Variants in GPER1 observed in about 807,000 individuals in gnomAD.
The protein encoded by GPER1 is G protein-coupled receptor 30.
A neutral mutation model predicts 0.6 loss-of-function variants in GPER1; 2 were observed. The ratio of observed to expected loss-of-function variants is 3.41; its 90% CI spans 1.39 to 10.72. The LOEUF is 10.72. Ranked by LOEUF, GPER1 falls within the 30% of genes most tolerant of loss-of-function variation. The probability of loss-of-function intolerance (pLI) is 0.04; values close to 1 mark genes in which losing one functional copy is unlikely to be tolerated. For missense variants in GPER1, 441 were observed against 535.2 expected (o/e 0.82, Z 1.74); for synonymous variants, 263 against 247.6 (o/e 1.06, Z -0.58).
chr7:1,088,537 C>T lies in GPER1; in HGVS notation c.-323+216C>T, dbSNP rs1035388093. On this transcript the variant is annotated intron_variant, in intron 1 of 1. Coordinates refer to ENST00000397088, the MANE Select transcript of GPER1 (RefSeq NM_001098201.3). The surrounding 1 kb of genome is among the most constrained non-coding windows in gnomAD (Gnocchi z 4.5). ...CAGCGTGACCGCAGCAGGGGCTTTGCCTGGACGGCCTTTCTAACTCGTGCT... is the reference window on the plus strand; with the variant it reads ...CAGCGTGACCGCAGCAGGGGCTTTGTCTGGACGGCCTTTCTAACTCGTGCT... 1.1e-4 allele frequency among the ~76,000 whole-genome samples: 17 copies of T among 152,194 alleles called. No homozygotes were observed. Among genetic ancestry groups the T allele is most frequent in the Non-Finnish European group, 2.4e-4 (16 of 68,022 alleles).
chr7:1,089,526 C>T (rs977708828), intron 1 of GPER1, among the ~76,000 whole-genome samples: 1 of 152,102 alleles, frequency 6.6e-6, no homozygotes, highest in South Asian at 2.1e-4. Flanking sequence ...TCAGGCGATC[C>T]TCCTGCCTCA....
chr7:1,092,152 T>C lies in GPER1; in HGVS notation c.424T>C (p.Tyr142His). 1.2e-6 allele frequency: 2 copies of C among 1,613,534 alleles called. No individual in the cohort carries two copies. Among genetic ancestry groups the C allele is most frequent in the Non-Finnish European group, 1.7e-6 (2 of 1,179,980 alleles). ...GTCGCTCTTCCTGCAGGTCAACATG[T>C]ACAGCAGCGTCTTCTTCCTCACCTG... ...FMSLFLQVNM[Y>H]SSVFFLTWMS... The change falls in exon 2 of 2, where the codon TAC becomes CAC. Residue 142 changes from tyrosine (Y) to histidine (H), a missense_variant. By Grantham distance (83) the Tyr-to-His change is moderately conservative (BLOSUM62 2). Coordinates refer to ENST00000397088, the MANE Select transcript of GPER1 (RefSeq NM_001098201.3).
Position 1,092,360 on chromosome 7 carries a change from T to C in GPER1, c.632T>C (p.Val211Ala), listed in dbSNP as rs1379990672. 1.9e-6 allele frequency: 3 copies of C among 1,611,298 alleles called. No homozygotes were observed. Among genetic ancestry groups the C allele is most frequent in the East Asian group, 2.2e-5 (1 of 44,818 alleles). The change falls in exon 2 of 2, where the codon GTC becomes GCC. Residue 211 changes from valine to alanine, a missense_variant. Physicochemically the swap from Val to Ala is moderately conservative, Grantham distance 64. Transcript: ENST00000397088. ...GAGGCCTGCTTCTGTTTCGCGGATG[T>C]CCGGGAGGTGCAGTGGCTCGAGGTC... ...TDEACFCFADVREVQWLEVTL... is the reference protein window; with the variant it reads ...TDEACFCFADAREVQWLEVTL...
chr7:1,091,191 G>A (rs183474863), intron 1 of GPER1, among the ~76,000 whole-genome samples: 1 of 152,312 alleles, frequency 6.6e-6, no homozygotes, highest in Admixed American at 6.5e-5. Flanking sequence ...AGCAGCCGTG[G>A]GACCTGCAGG....
Position 1,093,265 on chromosome 7 carries a change from A to G in GPER1, c.*409A>G. On this transcript the variant is annotated 3_prime_UTR_variant, in exon 2 of 2. Coordinates refer to ENST00000397088, the MANE Select transcript of GPER1 (RefSeq NM_001098201.3). ...CGCCTCAGTTACACAGGAACCCTAA[A>G]GCAAATCTGCCACCGTGGGGGAACT... 1 of 450,132 alleles carries G rather than the reference A, an allele frequency of 2.2e-6. No homozygotes were observed. The highest frequency in any genetic ancestry group is 4.6e-6 in the Non-Finnish European group (1 of 215,962). The allele number at this position is 450,132 out of a possible 1,614,324, so 27.9% of individuals were successfully genotyped here.
intron 1 of GPER1, among the ~76,000 whole-genome samples, chr7:1,089,808 C>T (rs112672178): frequency 1.0e-3 from 158 of 151,114 alleles, no homozygotes; most frequent in African/African-American, 1.7e-3. Flanking sequence ...CCTGGCCCGG[C>T]GCGGTGGATC....
At position 1,093,624 on chromosome 7, in the gene GPER1, C is replaced by T. The variant is rs1182264666; in HGVS notation, c.*768C>T. On this transcript the variant is annotated 3_prime_UTR_variant, in exon 2 of 2. Transcript: ENST00000397088. ...ATGTGGACTGGGACCGTGCGAGCTGCCGTGTGGGTTAGTCGGGTGCCAGGA... is the reference window on the plus strand; with the variant it reads ...ATGTGGACTGGGACCGTGCGAGCTGTCGTGTGGGTTAGTCGGGTGCCAGGA... 2 of 471,204 alleles carry T rather than the reference C, an allele frequency of 4.2e-6. No homozygotes were observed. 29.2% of individuals were successfully genotyped at this position (471,204 alleles called of 1,614,324 possible). A position where few individuals can be genotyped will look rare whatever the true frequency, so the allele number is the denominator to read the frequency against.
chr7:1,087,867 T>C (rs971610120), upstream of GPER1, among the ~76,000 whole-genome samples: 7 of 152,178 alleles, frequency 4.6e-5, no homozygotes, highest in Non-Finnish European at 8.8e-5. Context: ...CAACACCTAG[T>C]ATGATGCCTT....
In GPER1 at chr7:1,093,618, G is replaced by A. The variant is rs982170628; in HGVS notation, c.*762G>A. ...GCACTCATGTGGACTGGGACCGTGC[G>A]AGCTGCCGTGTGGGTTAGTCGGGTG... is the stretch of plus-strand genomic sequence containing the variant. On this transcript the variant is annotated 3_prime_UTR_variant, in exon 2 of 2. Transcript: ENST00000397088. 1.5e-5 allele frequency: 7 copies of A among 471,098 alleles called. No individual in the cohort carries two copies. Among genetic ancestry groups the A allele is most frequent in the Non-Finnish European group, 2.2e-5 (5 of 227,100 alleles). The allele number at this position is 471,098 out of a possible 1,614,324, so 29.2% of individuals were successfully genotyped here.
chr7:1,093,229 T>G lies in GPER1; in HGVS notation c.*373T>G, dbSNP rs1332195972. On this transcript the variant is annotated 3_prime_UTR_variant, in exon 2 of 2. Transcript: ENST00000397088. ...CAGGAAAGCCACACGGAGAGGCCAC[T>G]GTGGGTGAAGCGCCTCAGTTACACA... The G allele has an allele frequency of 2.0e-6, 1 of 489,736 alleles. No individual in the cohort carries two copies. The highest frequency in any genetic ancestry group is 2.0e-5 in the African/African-American group (1 of 51,128). 30.3% of individuals were successfully genotyped at this position (489,736 alleles called of 1,614,324 possible). A position where few individuals can be genotyped will look rare whatever the true frequency, so the allele number is the denominator to read the frequency against.
At position 1,091,913 on chromosome 7, in the gene GPER1, C is replaced by A. The variant is rs1356334714; in HGVS notation, c.185C>A (p.Ser62Ter). The A allele has an allele frequency of 5.6e-6, 9 of 1,613,984 alleles. No homozygotes were observed. Among genetic ancestry groups the A allele is most frequent in the African/African-American group, 1.3e-5 (1 of 75,056 alleles). The change falls in exon 2 of 2, where the codon TCG becomes TAG. Residue 62 changes from serine (S) to a stop codon, truncating the protein, a stop_gained. Transcript: ENST00000397088. LOFTEE classifies it low-confidence loss of function (END_TRUNC). Reference sequence around the variant, plus strand: ...CAGTACGTGATCGGCCTGTTCCTCTCGTGCCTCTACACCATCTTCCTCTTC... The same window carrying A: ...CAGTACGTGATCGGCCTGTTCCTCTAGTGCCTCTACACCATCTTCCTCTTC... ...HQQYVIGLFL[S>*]CLYTIFLFPI...
Position 1,092,838 on chromosome 7 carries a change from G to T in GPER1, c.1110G>T (p.Arg370Ser), listed in dbSNP as rs943638671. The change falls in exon 2 of 2, where the codon AGG (arginine) becomes AGT (serine). Residue 370 changes from arginine (R) to serine (S), a missense_variant. Arg to Ser is a moderately radical substitution (Grantham distance 110). Transcript: ENST00000397088. ...ACAGCACCGAGCAGTCGGATGTGAG[G>T]TTCAGCAGTGCCGTGTAGACAGCCT... ...IPDSTEQSDV[R>S]FSSAV The T allele has an allele frequency of 6.2e-7, 1 of 1,612,686 alleles. No homozygotes were observed. Among genetic ancestry groups the T allele is most frequent in the Non-Finnish European group, 8.5e-7 (1 of 1,179,706 alleles).
Position 1,091,250 on chromosome 7 carries a change from C to A in GPER1, c.-322-157C>A, listed in dbSNP as rs1260858887. ...AGGCGACTCTTCCACCTCAGCTCAA[C>A]CACAGCCACCTCCCGAGCTCATAAA... On this transcript the variant is annotated intron_variant, in intron 1 of 1. Transcript: ENST00000397088. Among the ~76,000 whole-genome samples the A allele has an allele frequency of 3.3e-5, 5 of 152,218 alleles. No individual in the cohort carries two copies. The South Asian group carries it at 6.2e-4, about 19-fold the overall frequency.
Position 1,093,397 on chromosome 7 carries a change from G to A in GPER1, c.*541G>A, listed in dbSNP as rs2128227668. On this transcript the variant is annotated 3_prime_UTR_variant, in exon 2 of 2. Transcript: ENST00000397088. The stretch of plus-strand genomic sequence containing the variant: ...CGCACCGCCGAGTTAAAGAGGAGAA[G>A]GAAAACATGCTGCTCTGGTGCACGC... 2.2e-6 allele frequency: 1 copy of A among 450,192 alleles called. No individual in the cohort carries two copies. Among genetic ancestry groups the A allele is most frequent in the Non-Finnish European group, 4.7e-6 (1 of 213,608 alleles). The allele number at this position is 450,192 out of a possible 1,614,324, so 27.9% of individuals were successfully genotyped here. A position where few individuals can be genotyped will look rare whatever the true frequency, so the allele number is the denominator to read the frequency against.
At position 1,093,031 on chromosome 7, in the gene GPER1, C is replaced by T. The variant is rs1788179996; in HGVS notation, c.*175C>T. 2 of 725,312 alleles carry T rather than the reference C, an allele frequency of 2.8e-6. No individual in the cohort carries two copies. Among genetic ancestry groups the T allele is most frequent in the South Asian group, 3.0e-5 (2 of 67,006 alleles). 44.9% of individuals were successfully genotyped at this position (725,312 alleles called of 1,614,324 possible). ...GTCACCCTGGGGCTGCTTAGGAAAC[C>T]TCACGACTGGTCACCTTGCACTCCT... On this transcript the variant is annotated 3_prime_UTR_variant, in exon 2 of 2. Coordinates refer to ENST00000397088, the MANE Select transcript of GPER1 (RefSeq NM_001098201.3).
Position 1,092,981 on chromosome 7 carries a change from G to T in GPER1, c.*125G>T. ...CAGATGTGGCTTCTGGCTCCTCGGG[G>T]CCTCGCGAGGGTCACGCTTGCCTGG... On this transcript the variant is annotated 3_prime_UTR_variant, in exon 2 of 2. Coordinates refer to ENST00000397088, the MANE Select transcript of GPER1 (RefSeq NM_001098201.3). The T allele has an allele frequency of 1.1e-6, 1 of 909,152 alleles. No homozygotes were observed. The highest frequency in any genetic ancestry group is 1.8e-6 in the Non-Finnish European group (1 of 560,990). 56.3% of individuals were successfully genotyped at this position (909,152 alleles called of 1,614,324 possible).
At position 1,088,162 on chromosome 7, in the gene GPER1, C is replaced by G. The variant is rs1377396956; in HGVS notation, c.-482C>G. 1 of 152,276 alleles carries G rather than the reference C, an allele frequency of 6.6e-6. No homozygotes were observed. The highest frequency in any genetic ancestry group is 2.4e-5 in the African/African-American group (1 of 41,456). The allele number at this position is 152,276 out of a possible 1,614,324, so 9.4% of individuals were successfully genotyped here. A position where few individuals can be genotyped will look rare whatever the true frequency, so the allele number is the denominator to read the frequency against. Reference sequence around the variant, plus strand: ...CGCCAGCCAGCCGGGAACCTTCCCTCGCGGGCTCCCAGGGCGGGTCTCTTC... The same window carrying G: ...CGCCAGCCAGCCGGGAACCTTCCCTGGCGGGCTCCCAGGGCGGGTCTCTTC... On this transcript the variant is annotated 5_prime_UTR_variant, in exon 1 of 2. Transcript: ENST00000397088. This position sits in a 1 kb window ranked among gnomAD's most constrained non-coding sequence, Gnocchi z 4.5.
Position 1,091,655 on chromosome 7 carries a change from A to C in GPER1, c.-74A>C. The C allele has an allele frequency of 9.1e-7, 1 of 1,098,104 alleles. No individual in the cohort carries two copies. Among genetic ancestry groups the C allele is most frequent in the Non-Finnish European group, 1.3e-6 (1 of 755,572 alleles). 68.0% of individuals were successfully genotyped at this position (1,098,104 alleles called of 1,614,324 possible). A position where few individuals can be genotyped will look rare whatever the true frequency, so the allele number is the denominator to read the frequency against. On this transcript the variant is annotated 5_prime_UTR_variant, in exon 2 of 2. Coordinates refer to ENST00000397088, the MANE Select transcript of GPER1 (RefSeq NM_001098201.3). ...TCAAGGAGAATCACGCTTCTTTCTA[A>C]AGATGGATTCACCATTTAAAACAGA...
rs1339200786 is a variant in GPER1, at chr7:1,092,413, A to G, written c.685A>G (p.Ile229Val). Residue 229 changes from isoleucine (I) to valine (V), a missense_variant, in exon 2 of 2, where the codon ATC becomes GTC. Physicochemically the swap from Ile to Val is conservative, Grantham distance 29. Transcript: ENST00000397088. ...VTLGFIVPFA[I>V]IGLCYSLIVR... ...GCTGGGCTTCATCGTGCCCTTCGCCATCATCGGCCTGTGCTACTCCCTCAT... is the reference window on the plus strand; with the variant it reads ...GCTGGGCTTCATCGTGCCCTTCGCCGTCATCGGCCTGTGCTACTCCCTCAT... The G allele has an allele frequency of 9.3e-6, 15 of 1,607,544 alleles. No individual in the cohort carries two copies. The highest frequency in any genetic ancestry group is 1.1e-5 in the Non-Finnish European group (13 of 1,178,830).
Sources: gnomAD v4.1 joint callset for allele counts (sites outside exome capture counted in the v4.1 genomes callset) on GRCh38, gnomAD v4.1.1 for gene constraint, Gnocchi (gnomAD v3.1) non-coding constraint, MANE v1.5 for transcripts, NCBI Gene and HGNC (gene_info 2026-07-23, HGNC 2026-07-21) for gene names.